ROPN1L: variants seen among roughly 807,000 people sequenced by gnomAD.
ROPN1L encodes ropporin-1-like protein.
ROPN1L carries 23 observed loss-of-function variants against 22.7 expected under a neutral mutation model. The ratio of observed to expected loss-of-function variants is 1.01; its 90% CI spans 0.73 to 1.43. The LOEUF is 1.43. ROPN1L is among the 40% of genes most tolerant of loss of function. ROPN1L has a pLI of 0.00. For missense variants in ROPN1L, 271 were observed against 291.5 expected (o/e 0.93, Z 0.51); for synonymous variants, 116 against 117.8 (o/e 0.98, Z 0.10).
intron 3 of ROPN1L, among the ~76,000 whole-genome samples, chr5:10,459,176 TC>T (rs1332483157): frequency 2.0e-5 from 3 of 151,960 alleles, no homozygotes; most frequent in Non-Finnish European, 4.4e-5. Flanking sequence ...TGGTTCTGTC[TC>T]TGCCCACATG....
downstream of ROPN1L, among the ~76,000 whole-genome samples, chr5:10,473,779 G>A (rs1483664157): frequency 6.6e-6 from 1 of 152,154 alleles, no homozygotes; most frequent in Non-Finnish European, 1.5e-5. Context: ...GCTGAAGAAA[G>A]TTGAAGAACT....
At position 10,464,951 on chromosome 5, in the gene ROPN1L, A is replaced by G. The variant is rs146235615; in HGVS notation, c.*4A>G. The G allele has an allele frequency of 4.6e-6, 7 of 1,519,040 alleles. No individual in the cohort carries two copies. The African/African-American group carries it at 7.0e-5, about 15-fold the overall frequency. 94.1% of individuals were successfully genotyped at this position (1,519,040 alleles called of 1,614,324 possible). A position where few individuals can be genotyped will look rare whatever the true frequency, so the allele number is the denominator to read the frequency against. On this transcript the variant is annotated 3_prime_UTR_variant, in exon 5 of 5. Coordinates refer to ENST00000274134, the MANE Select transcript of ROPN1L (RefSeq NM_031916.5). ...CTCTGAAGATGTAGGCCATTAATAC[A>G]GAGAAGAATACATTTTAATGTCAAA...
intron 3 of ROPN1L, among the ~76,000 whole-genome samples, chr5:10,453,051 T>C (rs1741303738): frequency 6.6e-6 from 1 of 152,254 alleles, no homozygotes; most frequent in Admixed American, 6.5e-5. Flanking sequence ...GTCTCCTGAC[T>C]TGAGCCACCT....
the ROPN1L span, chr5:10,479,512 G>C: frequency 6.6e-6 from 1 of 152,244 alleles, no homozygotes; most frequent in African/African-American, 2.4e-5. Flanking sequence ...CTCTCTGGAA[G>C]TGGAGTGAGA....
At chr5:10,449,121 TGGTG>T (rs1741171716) in intron 2 of ROPN1L, among the ~76,000 whole-genome samples, 1 of 152,260 alleles carries the variant, frequency 6.6e-6, no homozygotes, top group Non-Finnish European at 1.5e-5. Context: ...AACTCTTGAA[TGGTG>T]TAGCTTGCGA....
At chr5:10,455,806 C>CAGAGGCTTTTAAAAACCAGTGCTG (rs1561172842) in intron 3 of ROPN1L, among the ~76,000 whole-genome samples, 2,847 of 32,334 alleles carry the variant, frequency 0.088, 206 homozygotes, top group African/African-American at 0.14. Flanking sequence ...AACCAGTGCT[C>CAGAGGCTTTTAAAAACCAGTGCTG]GGTCAGAGGC....
intron 4 of ROPN1L, among the ~76,000 whole-genome samples, chr5:10,462,314 CTT>C (rs1735048922): frequency 6.6e-6 from 1 of 152,226 alleles, no homozygotes; most frequent in Non-Finnish European, 1.5e-5. Flanking sequence ...TCTGCAATAA[CTT>C]TGTCCCAACG....
chr5:10,469,191 C>T (rs1044862246), downstream of ROPN1L, among the ~76,000 whole-genome samples: 10 of 151,176 alleles, frequency 6.6e-5, no homozygotes, highest in South Asian at 4.2e-4. Context: ...GATGATGGAG[C>T]GTTTGCTGGC....
downstream of ROPN1L, among the ~76,000 whole-genome samples, chr5:10,473,083 TAC>T (rs1418012989): frequency 1.3e-5 from 2 of 152,212 alleles, no homozygotes; most frequent in Non-Finnish European, 2.9e-5. Context: ...CCTCCAGGCT[TAC>T]ACAATATCAG....
At chr5:10,481,967 A>G in the ROPN1L span, 1 of 152,306 alleles carries the variant, frequency 6.6e-6, no homozygotes, top group Non-Finnish European at 1.5e-5. Context: ...ACAGTGGTTC[A>G]TGCCTATAAT....
chr5:10,465,385 G>A (rs1281829264), downstream of ROPN1L, among the ~76,000 whole-genome samples: 2 of 152,026 alleles, frequency 1.3e-5, no homozygotes, highest in East Asian at 1.9e-4. Context: ...GCGTGGTAGC[G>A]GGTGCTGTAG....
chr5:10,474,820 G>A (rs1191899058), downstream of ROPN1L, among the ~76,000 whole-genome samples: 1 of 152,250 alleles, frequency 6.6e-6, no homozygotes, highest in African/African-American at 2.4e-5. Flanking sequence ...GAGCGGCTGA[G>A]CTTGAGCCTT....
At chr5:10,448,220 G>C (rs372106662) in intron 1 of ROPN1L, 40 bp from the exon 2 acceptor site, 1 of 1,608,828 alleles carries the variant, frequency 6.2e-7, no homozygotes. Context: ...GCTGTTTTTT[G>C]TGTATTGATG....
At chr5:10,455,614 C>T (rs930314661) in intron 3 of ROPN1L, among the ~76,000 whole-genome samples, 4 of 152,258 alleles carry the variant, frequency 2.6e-5, no homozygotes, top group Non-Finnish European at 5.9e-5. Flanking sequence ...CATCCCTGTC[C>T]TGCACAGGAT....
chr5:10,461,786 G>A (rs1334233953), intron 4 of ROPN1L, among the ~76,000 whole-genome samples: 1 of 152,184 alleles, frequency 6.6e-6, no homozygotes, highest in Non-Finnish European at 1.5e-5. Context: ...CAGAACTCAG[G>A]GAAACACTCA....
intron 4 of ROPN1L, among the ~76,000 whole-genome samples, chr5:10,470,416 G>A (rs1202087053): frequency 1.6e-4 from 24 of 152,186 alleles, no homozygotes; most frequent in Admixed American, 1.6e-3. Context: ...TTCTGCCCAG[G>A]GTCCAGGCCC....
chr5:10,454,396 T>G (rs1386884141), intron 3 of ROPN1L, among the ~76,000 whole-genome samples: 2 of 152,208 alleles, frequency 1.3e-5, no homozygotes, highest in African/African-American at 4.8e-5. Context: ...GTTCTGAGAT[T>G]TATAGGTACA....
At chr5:10,466,200 G>C (rs1735151519), downstream of ROPN1L, among the ~76,000 whole-genome samples, 1 of 152,214 alleles carries the variant, frequency 6.6e-6, no homozygotes, top group Admixed American at 6.5e-5. Context: ...CCTGTCTGGG[G>C]GGCCCAAGGA....
intron 3 of ROPN1L, among the ~76,000 whole-genome samples, chr5:10,456,436 C>T (rs1180160554): frequency 6.6e-6 from 1 of 152,136 alleles, no homozygotes; most frequent in Admixed American, 6.5e-5. Context: ...TGCAGTCAGC[C>T]AAGATCGCAT....
Sources: gnomAD v4.1 joint callset for allele counts (sites outside exome capture counted in the v4.1 genomes callset) on GRCh38, gnomAD v4.1.1 for gene constraint, MANE v1.5 for transcripts, NCBI Gene and HGNC (gene_info 2026-07-23, HGNC 2026-07-21) for gene names.